RYR3: variants seen among roughly 807,000 people sequenced by gnomAD.
The protein encoded by RYR3 is ryanodine receptor 3.
In RYR3, 207 loss-of-function variants were observed where a neutral mutation model predicts 584.3. That is an observed-to-expected ratio of 0.35 (90% CI 0.32 to 0.40). The LOEUF is 0.40. Ranked by LOEUF, RYR3 falls within the 10% of genes least tolerant of loss-of-function variation. RYR3 has a pLI of 1.00. For missense variants in RYR3, 5,616 were observed against 6,089.2 expected (o/e 0.92, Z 2.59); for synonymous variants, 2,416 against 2,248.5 (o/e 1.07, Z -2.11).
Position 33,311,913 on chromosome 15 carries a change from CAA to C in RYR3, c.51+819_51+820del, listed in dbSNP as rs1456306227. On this transcript the variant is annotated intron_variant, in intron 1 of 103. Coordinates refer to ENST00000634891, the MANE Select transcript of RYR3 (RefSeq NM_001036.6). The surrounding 1 kb of genome is among the most constrained non-coding windows in gnomAD (Gnocchi z 4.4). ...CAGCCTTGCCCTGTAGGAGATAATA[CAA>C]AGACTTTCAGGGTGGACGGCCACCC... is the stretch of plus-strand genomic sequence containing the variant. 1.3e-5 allele frequency among the ~76,000 whole-genome samples: 2 copies of C among 152,224 alleles called. No homozygotes were observed. The highest frequency in any genetic ancestry group is 2.9e-5 in the Non-Finnish European group (2 of 68,038).
chr15:33,770,260 C>T (rs2152885699), intron 62 of RYR3, among the ~76,000 whole-genome samples: 1 of 152,150 alleles, frequency 6.6e-6, no homozygotes, highest in South Asian at 2.1e-4. Flanking sequence ...CCACAATGAA[C>T]TGAGAATGGC....
intron 60 of RYR3, among the ~76,000 whole-genome samples, chr15:33,760,953 A>T (rs932120647): frequency 6.6e-5 from 10 of 152,218 alleles, no homozygotes; most frequent in African/African-American, 2.4e-4. Context: ...ACTCACTCAA[A>T]ACTGCACAAG....
intron 40 of RYR3, 72 bp downstream of exon 40, chr15:33,698,068 C>A: frequency 9.7e-7 from 1 of 1,027,126 alleles, no homozygotes; most frequent in Non-Finnish European, 1.5e-6. Flanking sequence ...TGTTCAGAGC[C>A]ACGTGGCTGG....
At chr15:33,695,644 A>T (rs775066077) in intron 38 of RYR3, among the ~76,000 whole-genome samples, 2 of 152,124 alleles carry the variant, frequency 1.3e-5, no homozygotes, top group Non-Finnish European at 2.9e-5. Context: ...TGTGGATGCA[A>T]GTATTGTTTA....
At chr15:33,515,900 G>A (rs1019808280) in intron 3 of RYR3, among the ~76,000 whole-genome samples, 1 of 152,126 alleles carries the variant, frequency 6.6e-6, no homozygotes, top group African/African-American at 2.4e-5. Flanking sequence ...GTATGTGTGT[G>A]TGTGCATAAT....
intron 14 of RYR3, among the ~76,000 whole-genome samples, chr15:33,583,495 C>T (rs181238249): frequency 9.8e-5 from 15 of 152,334 alleles, no homozygotes; most frequent in Admixed American, 9.8e-4. Context: ...CCATTGCCTA[C>T]TTGATGAAGG....
chr15:33,819,873 T>C (rs771589461), intron 77 of RYR3, 66 bp downstream of exon 77: 8 of 1,299,056 alleles, frequency 6.2e-6, no homozygotes, highest in Non-Finnish European at 8.7e-6. Context: ...TTTAGGCGCA[T>C]GAAAATTGTC....
intron 52 of RYR3, among the ~76,000 whole-genome samples, chr15:33,744,062 T>A (rs541935417): frequency 3.7e-4 from 56 of 152,138 alleles, no homozygotes; most frequent in African/African-American, 1.3e-3. Context: ...AGACTCACTC[T>A]CTCATATGCA....
chr15:33,627,278 AAAT>A (rs969797191), intron 20 of RYR3, among the ~76,000 whole-genome samples: 1 of 152,172 alleles, frequency 6.6e-6, no homozygotes, highest in Non-Finnish European at 1.5e-5. Flanking sequence ...ATAAACATGA[AAAT>A]AATAATAATA....
chr15:33,664,942 C>T (rs2063410814), intron 36 of RYR3, among the ~76,000 whole-genome samples: 1 of 152,116 alleles, frequency 6.6e-6, no homozygotes, highest in Non-Finnish European at 1.5e-5. Flanking sequence ...TGATACCAGC[C>T]TGGCTAATGA....
chr15:33,754,653 C>A (rs1388079177), intron 57 of RYR3, among the ~76,000 whole-genome samples: 4 of 152,104 alleles, frequency 2.6e-5, no homozygotes. Context: ...GCGCGGTGGC[C>A]GGCCTTTCTG....
intron 19 of RYR3, among the ~76,000 whole-genome samples, chr15:33,620,356 AG>A (rs1375789367): frequency 6.6e-6 from 1 of 152,084 alleles, no homozygotes; most frequent in Non-Finnish European, 1.5e-5. Context: ...TCTCCCTAAA[AG>A]TTCTCTCCAA....
chr15:33,758,675 T>C lies in RYR3; in HGVS notation c.8705+1079T>C, dbSNP rs566808703. Among the ~76,000 whole-genome samples the C allele has an allele frequency of 6.6e-5, 10 of 152,282 alleles. No homozygotes were observed. The South Asian group carries it at 2.1e-3, about 32-fold the overall frequency. On this transcript the variant is annotated intron_variant, in intron 60 of 103. Coordinates refer to ENST00000634891, the MANE Select transcript of RYR3 (RefSeq NM_001036.6). The stretch of plus-strand genomic sequence containing the variant: ...ATTGTAGACAAAACTCCCATATCCC[T>C]GGGACAGAGCACCTGGGGGAAGGGG...
intron 3 of RYR3, among the ~76,000 whole-genome samples, chr15:33,511,864 C>T (rs2053046385): frequency 1.3e-5 from 2 of 152,154 alleles, no homozygotes; most frequent in South Asian, 4.2e-4. Flanking sequence ...CTGCAAGCTC[C>T]ACCTCCCGGG....
At chr15:33,791,384 C>A (rs1035125827) in intron 67 of RYR3, among the ~76,000 whole-genome samples, 1 of 147,024 alleles carries the variant, frequency 6.8e-6, no homozygotes, top group Admixed American at 6.8e-5. Context: ...ACACACACAC[C>A]CCTACATTCG....
chr15:33,757,354 C>T, intron 59 of RYR3, 121 bp from the exon 60 acceptor site: 3 of 1,123,814 alleles, frequency 2.7e-6, no homozygotes, highest in South Asian at 1.6e-5. Context: ...GTAGAATTTC[C>T]TGGAAATTAC....
chr15:33,788,572 G>A (rs1156894830), intron 67 of RYR3, 114 bp downstream of exon 67: 19 of 1,200,110 alleles, frequency 1.6e-5, no homozygotes, highest in Non-Finnish European at 2.1e-5. Flanking sequence ...GGAGGCGATA[G>A]CCGCCCCCAC....
At chr15:33,680,039 ACT>A (rs1186472074) in intron 38 of RYR3, among the ~76,000 whole-genome samples, 3 of 152,184 alleles carry the variant, frequency 2.0e-5, no homozygotes, top group African/African-American at 7.2e-5. Flanking sequence ...TTGAATCCAA[ACT>A]CTGACATTCA....
rs139000605 is a variant in RYR3 at position 33,515,305 on chromosome 15, G to A, written c.279+11567G>A. On this transcript the variant is annotated intron_variant, in intron 3 of 103. Coordinates refer to ENST00000634891, the MANE Select transcript of RYR3 (RefSeq NM_001036.6). ...CTCAGGCAGCTGACCCAGGTCACCA[G>A]GAGAATGAGCAACTGCTGTTCCCAG... Among the ~76,000 whole-genome samples, 1,129 of 152,312 alleles carry A rather than the reference G, an allele frequency of 7.4e-3. 13 individuals carry two copies. The highest frequency in any genetic ancestry group is 0.026 in the African/African-American group (1,077 of 41,580).
Sources: allele counts gnomAD v4.1 joint callset (sites outside exome capture counted in the v4.1 genomes callset), GRCh38; gene constraint gnomAD v4.1.1; non-coding constraint Gnocchi (gnomAD v3.1); transcripts MANE v1.5; gene names NCBI Gene and HGNC (gene_info 2026-07-23, HGNC 2026-07-21).